Variants in BCAS3 observed in about 807,000 individuals in gnomAD.
BCAS3 encodes the protein BCAS3 microtubule associated cell migration factor, also known as BCAS4/BCAS3 fusion.
In BCAS3, 53 loss-of-function variants were observed where a neutral mutation model predicts 116.1. That is an observed-to-expected ratio of 0.46 (90% confidence interval 0.37 to 0.57). The LOEUF (loss-of-function observed/expected upper bound fraction) is 0.57, where lower values mean the gene tolerates loss of function less well. BCAS3 is among the 20% of genes least tolerant of loss of function. The pLI is 0.00. For synonymous variants in BCAS3, 391 were observed against 408.2 expected (o/e 0.96, Z 0.51); for missense variants, 917 against 1,165.4 (o/e 0.79, Z 3.10).
At chr17:61,359,500 G>GTTT (rs71150609) in intron 22 of BCAS3, among the ~76,000 whole-genome samples, 43 of 143,024 alleles carry the variant, frequency 3.0e-4, no homozygotes, top group African/African-American at 9.5e-4. Context: ...TCAAGGTTTT[G>GTTT]TTTTTTTTTT....
At chr17:60,794,283 C>T (rs868093353) in intron 6 of BCAS3, among the ~76,000 whole-genome samples, 6 of 152,100 alleles carry the variant, frequency 3.9e-5, no homozygotes, top group Admixed American at 3.3e-4. Context: ...GGTTTGAGTT[C>T]GTTGTAGATT....
At chr17:61,328,533 G>A (rs1015199819) in intron 22 of BCAS3, among the ~76,000 whole-genome samples, 17 of 152,188 alleles carry the variant, frequency 1.1e-4, no homozygotes, top group East Asian at 7.7e-4. Flanking sequence ...TTGTGAGGCC[G>A]AGGCTGGCGG....
chr17:60,924,953 C>T (rs2145161413), intron 13 of BCAS3, among the ~76,000 whole-genome samples: 1 of 151,596 alleles, frequency 6.6e-6, no homozygotes, highest in Non-Finnish European at 1.5e-5. Context: ...TTACTCCTTA[C>T]ATTTTGTTAT....
rs1048798776 is a variant in BCAS3 at position 61,251,557 on chromosome 17, C to T, written c.2426-116770C>T. Among the ~76,000 whole-genome samples the T allele has an allele frequency of 2.4e-5, 3 of 122,724 alleles. No homozygotes were observed. In the Admixed American group the frequency reaches 2.8e-4, roughly 11 times the overall value. The allele number at this position is 122,724 out of a possible 152,430, so 80.5% of individuals were successfully genotyped here. A position where few individuals can be genotyped will look rare whatever the true frequency, so the allele number is the denominator to read the frequency against. ...TCCACTCCAGCCTGGGCAACAAGAGCGAAACTCCACCTCAAAAAAAAAAAA... is the reference window on the plus strand; with the variant it reads ...TCCACTCCAGCCTGGGCAACAAGAGTGAAACTCCACCTCAAAAAAAAAAAA... On this transcript the variant is annotated intron_variant, in intron 22 of 23. Coordinates refer to ENST00000407086, the MANE Select transcript of BCAS3 (RefSeq NM_017679.5). The surrounding 1 kb of genome is among the most constrained non-coding windows in gnomAD (Gnocchi z 4.7).
intron 6 of BCAS3, among the ~76,000 whole-genome samples, chr17:60,756,465 A>G (rs1312057701): frequency 1.1e-4 from 16 of 152,048 alleles, no homozygotes; most frequent in Admixed American, 1.0e-3. Context: ...GTATCATCCT[A>G]TTCTCTGTCT....
chr17:61,010,096 A>C (rs1600442379), intron 15 of BCAS3, among the ~76,000 whole-genome samples: 1 of 130,936 alleles, frequency 7.6e-6, no homozygotes, highest in Non-Finnish European at 1.6e-5. Flanking sequence ...TTTCCTGTGG[A>C]AGTGAGTCTG....
chr17:60,745,190 G>A (rs2041927009), intron 5 of BCAS3, among the ~76,000 whole-genome samples: 1 of 151,914 alleles, frequency 6.6e-6, no homozygotes, highest in Admixed American at 6.6e-5. Flanking sequence ...TTTATTATAA[G>A]TGTAAAGTGA....
At chr17:60,709,429 G>T (rs541793650) in intron 5 of BCAS3, 104 bp downstream of exon 5, 1 of 687,668 alleles carries the variant, frequency 1.5e-6, no homozygotes, top group African/African-American at 1.8e-5. Flanking sequence ...CTCACTCTTC[G>T]CCCAGGCTGG....
intron 20 of BCAS3, among the ~76,000 whole-genome samples, chr17:61,075,543 G>C (rs372771525): frequency 1.3e-5 from 2 of 152,128 alleles, no homozygotes; most frequent in African/African-American, 4.8e-5. Flanking sequence ...TTGAACTCCT[G>C]ACTTCAAGCA....
intron 6 of BCAS3, among the ~76,000 whole-genome samples, chr17:60,776,360 C>T (rs1316242254): frequency 1.3e-5 from 2 of 152,092 alleles, no homozygotes; most frequent in African/African-American, 2.4e-5. Flanking sequence ...AGTTGTTTAA[C>T]CTTTATACAT....
chr17:61,266,727 G>A (rs1279879460), intron 22 of BCAS3, among the ~76,000 whole-genome samples: 1 of 152,106 alleles, frequency 6.6e-6, no homozygotes, highest in Non-Finnish European at 1.5e-5. Flanking sequence ...ACCTTCTGTT[G>A]TTATGGAGTC....
intron 13 of BCAS3, among the ~76,000 whole-genome samples, chr17:60,939,070 A>G (rs1220313014): frequency 2.0e-5 from 3 of 152,222 alleles, no homozygotes; most frequent in Admixed American, 1.3e-4. Context: ...ACCCAAGGAA[A>G]AGAAAAACAT....
intron 14 of BCAS3, among the ~76,000 whole-genome samples, chr17:60,976,020 C>CTTTTTTTTTTTTTCTTTTTT (rs2062330470): frequency 5.1e-5 from 5 of 98,286 alleles, no homozygotes; most frequent in African/African-American, 8.3e-5. Context: ...TAGATTTTTG[C>CTTTTTTTTTTTTTCTTTTTT]TTTTTTTTTT....
rs1247706570 is a variant in BCAS3 at position 61,077,223 on chromosome 17, A to G, written c.2131-1110A>G. Among the ~76,000 whole-genome samples, 2 of 152,034 alleles carry G rather than the reference A, an allele frequency of 1.3e-5. No individual in the cohort carries two copies. The highest frequency in any genetic ancestry group is 2.9e-5 in the Non-Finnish European group (2 of 68,020). On this transcript the variant is annotated intron_variant, in intron 20 of 23. Coordinates refer to ENST00000407086, the MANE Select transcript of BCAS3 (RefSeq NM_017679.5). The surrounding 1 kb of genome is among the most constrained non-coding windows in gnomAD (Gnocchi z 4.3). ...CACTTCTTTGACTTTATAATGTTTA[A>G]TAAAGTATTGGCGGCCGGGCGCAGT...
At chr17:61,210,417 T>C (rs1281575521) in intron 22 of BCAS3, among the ~76,000 whole-genome samples, 1 of 152,198 alleles carries the variant, frequency 6.6e-6, no homozygotes, top group Non-Finnish European at 1.5e-5. Flanking sequence ...TTTACCTTTA[T>C]AGTTTATGAG....
chr17:60,912,588 A>C (rs1340459877), intron 12 of BCAS3, among the ~76,000 whole-genome samples: 1 of 152,134 alleles, frequency 6.6e-6, no homozygotes, highest in Non-Finnish European at 1.5e-5. Context: ...GGTTAGCCAA[A>C]TGTGTTACAG....
intron 15 of BCAS3, among the ~76,000 whole-genome samples, chr17:61,000,169 T>C (rs1343678129): frequency 6.6e-6 from 1 of 152,184 alleles, no homozygotes; most frequent in Non-Finnish European, 1.5e-5. Context: ...TAGTACTATG[T>C]TGAATAGGAG....
chr17:61,080,959 A>G (rs180946099), intron 21 of BCAS3, among the ~76,000 whole-genome samples: 34 of 152,246 alleles, frequency 2.2e-4, no homozygotes, highest in Non-Finnish European at 1.8e-4. Flanking sequence ...GGTAATAATG[A>G]CAGAATACAG....
At position 61,326,722 on chromosome 17, in the gene BCAS3, A is replaced by G. The variant is rs2055759359; in HGVS notation, c.2426-41605A>G. On this transcript the variant is annotated intron_variant, in intron 22 of 23. Coordinates refer to ENST00000407086, the MANE Select transcript of BCAS3 (RefSeq NM_017679.5). This position sits in a 1 kb window ranked among gnomAD's most constrained non-coding sequence, Gnocchi z 5.3. Reference sequence around the variant, plus strand: ...AGAGCTCCTAGTCACATGGAGGAGGAGGCTTGGATACATTACATTTCCAGT... The same window carrying G: ...AGAGCTCCTAGTCACATGGAGGAGGGGGCTTGGATACATTACATTTCCAGT... Among the ~76,000 whole-genome samples, 1 of 152,168 alleles carries G rather than the reference A, an allele frequency of 6.6e-6. No homozygotes were observed. Among genetic ancestry groups the G allele is most frequent in the Non-Finnish European group, 1.5e-5 (1 of 68,038 alleles).
Sources: allele counts gnomAD v4.1 joint callset (sites outside exome capture counted in the v4.1 genomes callset), GRCh38; gene constraint gnomAD v4.1.1; non-coding constraint Gnocchi (gnomAD v3.1); transcripts MANE v1.5; gene names NCBI Gene and HGNC (gene_info 2026-07-23, HGNC 2026-07-21).